The following TNPO3 variants were observed in gnomAD, a reference collection of about 807,000 sequenced individuals.
TNPO3 encodes the protein transportin-3.
A neutral mutation model predicts 122.8 loss-of-function variants in TNPO3; 65 were observed. The ratio of observed to expected loss-of-function variants is 0.53; its 90% CI spans 0.43 to 0.65. The LOEUF (loss-of-function observed/expected upper bound fraction) is 0.65. Among genes scored for constraint, TNPO3 ranks in the 30% least tolerant of loss-of-function variants. The pLI, the probability that TNPO3 is intolerant of heterozygous loss-of-function variation, is 0.00. For synonymous variants in TNPO3, 372 were observed against 411.2 expected (o/e 0.90, Z 1.15); for missense variants, 850 against 1,136.7 (o/e 0.75, Z 3.63).
At chr7:128,960,121 T>C (rs1186560626) in intron 21 of TNPO3, among the ~76,000 whole-genome samples, 2 of 152,154 alleles carry the variant, frequency 1.3e-5, no homozygotes, top group Non-Finnish European at 2.9e-5. Flanking sequence ...ATCCTATGAG[T>C]ATAATAGAGA....
chr7:129,038,192 G>A (rs1806927191), intron 1 of TNPO3, among the ~76,000 whole-genome samples: 1 of 152,136 alleles, frequency 6.6e-6, no homozygotes, highest in African/African-American at 2.4e-5. Flanking sequence ...CAATGAGGAT[G>A]CCAGAAGACA....
chr7:128,972,398 G>A (rs1798580892), intron 19 of TNPO3, 28 bp downstream of exon 19: 1 of 1,596,498 alleles, frequency 6.3e-7, no homozygotes, highest in Non-Finnish European at 8.5e-7. Context: ...AAGCTGTTAA[G>A]TAGAAATGGT....
chr7:128,997,715 C>T (rs970673591), intron 7 of TNPO3, among the ~76,000 whole-genome samples, 180 bp from the exon 8 acceptor site: 2 of 152,198 alleles, frequency 1.3e-5, no homozygotes, highest in Non-Finnish European at 2.9e-5. Flanking sequence ...TGTCTTCCCA[C>T]GTTAGGCCCA....
chr7:129,007,815 C>T (rs1018153519), intron 4 of TNPO3, among the ~76,000 whole-genome samples: 5 of 152,134 alleles, frequency 3.3e-5, no homozygotes, highest in Non-Finnish European at 2.9e-5. Context: ...CTATCTAAAG[C>T]CACAAGAGGC....
chr7:128,989,865 A>C, intron 11 of TNPO3, 96 bp downstream of exon 11: 1 of 1,436,498 alleles, frequency 7.0e-7, no homozygotes, highest in Non-Finnish European at 9.5e-7. Flanking sequence ...CCGTGTTAAA[A>C]AAACAGAAAG....
chr7:128,988,535 A>G (rs557566421), intron 11 of TNPO3, among the ~76,000 whole-genome samples: 1 of 152,178 alleles, frequency 6.6e-6, no homozygotes, highest in Non-Finnish European at 1.5e-5. Flanking sequence ...ACATAGAGCA[A>G]TCTGTCTACT....
At chr7:129,027,558 C>CAAAAAAAAAA (rs71162549) in intron 1 of TNPO3, among the ~76,000 whole-genome samples, 11 of 8,970 alleles carry the variant, frequency 1.2e-3, no homozygotes, top group Admixed American at 2.6e-3. Flanking sequence ...AAGACTGTCT[C>CAAAAAAAAAA]AAAAAAAAAA....
intron 3 of TNPO3, 112 bp from the exon 4 acceptor site, chr7:129,015,247 G>A (rs1803703685): frequency 1.9e-6 from 2 of 1,034,218 alleles, no homozygotes; most frequent in Non-Finnish European, 2.8e-6. Context: ...TCCCACCACT[G>A]TTAAGGGGGA....
At position 129,001,223 on chromosome 7, in the gene TNPO3, C is replaced by T. The variant is rs149711174; in HGVS notation, c.708G>A (p.Lys236=). 3.1e-6 allele frequency: 5 copies of T among 1,604,894 alleles called. No homozygotes were observed. In the African/African-American group the frequency reaches 5.3e-5, roughly 17 times the overall value. Residue 236 remains lysine (K), a synonymous_variant, in exon 6 of 23, where the codon AAG becomes AAA. Transcript: ENST00000265388. ...ALLFEVLQQD[K]TSSNLHEAAS... is the part of the protein sequence containing the mutation. ...CAGCTTCATGTAGGTTAGACGAGGTCTTATCCTGTTGCTGGGGAGGTAGCA... is the reference window on the plus strand; with the variant it reads ...CAGCTTCATGTAGGTTAGACGAGGTTTTATCCTGTTGCTGGGGAGGTAGCA...
intron 5 of TNPO3, among the ~76,000 whole-genome samples, chr7:129,003,627 T>C (rs1802247712): frequency 2.6e-5 from 4 of 152,104 alleles, no homozygotes. Flanking sequence ...ATCATGCCAA[T>C]GGAGCTACTC....
At position 128,993,927 on chromosome 7, in the gene TNPO3, A is replaced by C; in HGVS notation, c.1159-13T>G. 1 of 1,607,124 alleles carries C rather than the reference A, an allele frequency of 6.2e-7. No homozygotes were observed. The highest frequency in any genetic ancestry group is 8.5e-7 in the Non-Finnish European group (1 of 1,174,436). ...CAGGAACCCCCTCCTAAAATATCAA[A>C]TCAGATAACATCTGCTTTAAACTCA... On this transcript the variant is annotated splice_polypyrimidine_tract_variant and intron_variant, in intron 8 of 22. Coordinates refer to ENST00000265388, the MANE Select transcript of TNPO3 (RefSeq NM_012470.4).
At chr7:129,040,437 T>C (rs765764928) in intron 1 of TNPO3, among the ~76,000 whole-genome samples, 26 of 152,208 alleles carry the variant, frequency 1.7e-4, no homozygotes, top group Middle Eastern at 3.4e-3. Context: ...ATAGTGGTTA[T>C]GGGAGGGGAA....
Position 128,984,122 on chromosome 7 carries a change from T to C in TNPO3, c.1782+46A>G, listed in dbSNP as rs1472006142. On this transcript the variant is annotated intron_variant, in intron 13 of 22. Coordinates refer to ENST00000265388, the MANE Select transcript of TNPO3 (RefSeq NM_012470.4). Reference sequence around the variant, plus strand: ...TAATTTCATCTTTTCATTTTTAACATGTAAACATCTTATATTTGTTTCACA... The same window carrying C: ...TAATTTCATCTTTTCATTTTTAACACGTAAACATCTTATATTTGTTTCACA... The C allele has an allele frequency of 4.0e-6, 5 of 1,251,770 alleles. No homozygotes were observed. In the Admixed American group the frequency reaches 7.5e-5, roughly 19 times the overall value. 77.5% of individuals were successfully genotyped at this position (1,251,770 alleles called of 1,614,324 possible).
intron 1 of TNPO3, among the ~76,000 whole-genome samples, chr7:129,020,860 G>GT (rs1804405887): frequency 6.6e-6 from 1 of 152,132 alleles, no homozygotes; most frequent in South Asian, 2.1e-4. Context: ...ATCTCCAAGG[G>GT]TATCTACAAG....
chr7:128,958,187 A>C (rs1483464208), intron 21 of TNPO3, among the ~76,000 whole-genome samples: 1 of 123,634 alleles, frequency 8.1e-6, no homozygotes, highest in Admixed American at 1.1e-4. Flanking sequence ...CATGTCATCC[A>C]GGCTGGAGTG....
Position 128,955,141 on chromosome 7 carries a change from A to G in TNPO3, c.*276T>C, listed in dbSNP as rs957183144. On this transcript the variant is annotated 3_prime_UTR_variant, in exon 23 of 23. Transcript: ENST00000265388. ...TATTTTTCCTTTTAGAAAGTTCACC[A>G]GGAAACCAGCTCCCCTCCCACCACG... 3.3e-6 allele frequency: 1 copy of G among 304,240 alleles called. No homozygotes were observed. Among genetic ancestry groups the G allele is most frequent in the African/African-American group, 2.3e-5 (1 of 43,340 alleles). 18.8% of individuals were successfully genotyped at this position (304,240 alleles called of 1,614,324 possible). A position where few individuals can be genotyped will look rare whatever the true frequency, so the allele number is the denominator to read the frequency against.
intron 1 of TNPO3, among the ~76,000 whole-genome samples, chr7:129,039,150 A>T (rs1230713337): frequency 6.6e-6 from 1 of 152,220 alleles, no homozygotes; most frequent in Non-Finnish European, 1.5e-5. Flanking sequence ...AAAAAGACAG[A>T]CAACAACAAG....
chr7:129,053,352 G>A (rs1031061111), intron 1 of TNPO3, among the ~76,000 whole-genome samples: 32 of 151,002 alleles, frequency 2.1e-4, no homozygotes, highest in Admixed American at 4.6e-4. Context: ...AAAATTAGTC[G>A]GGTGTCAGGG....
At chr7:128,993,678 A>T (rs1800991560) in intron 9 of TNPO3, 129 bp downstream of exon 9, 2 of 738,300 alleles carry the variant, frequency 2.7e-6, no homozygotes, top group Non-Finnish European at 4.4e-6. Context: ...TGTGCTAGGC[A>T]CTTGCATATC....
Sources: allele counts gnomAD v4.1 joint callset (sites outside exome capture counted in the v4.1 genomes callset), GRCh38; gene constraint gnomAD v4.1.1; transcripts MANE v1.5; gene names NCBI Gene and HGNC (gene_info 2026-07-23, HGNC 2026-07-21).